SYNPO2: variants seen among roughly 807,000 people sequenced by gnomAD.
SYNPO2 encodes synaptopodin-2.
In SYNPO2, 56 loss-of-function variants were observed where a neutral mutation model predicts 85.0. The ratio of observed to expected loss-of-function variants is 0.66; its 90% CI spans 0.53 to 0.82. SYNPO2 has a LOEUF of 0.82. SYNPO2 is among the 40% of genes least tolerant of loss of function. The pLI, the probability that SYNPO2 is intolerant of heterozygous loss-of-function variation, is 0.00. For missense variants in SYNPO2, 1,575 were observed against 1,534.2 expected (o/e 1.03, Z -0.44); for synonymous variants, 602 against 591.1 (o/e 1.02, Z -0.27).
chr4:118,983,188 C>T (rs1484098233), intron 1 of SYNPO2, among the ~76,000 whole-genome samples: 1 of 152,132 alleles, frequency 6.6e-6, no homozygotes, highest in Admixed American at 6.5e-5. Flanking sequence ...TGCCTTTATT[C>T]ATCCCTTTCA....
chr4:118,879,192 G>A (rs1054869204), intron 1 of SYNPO2, among the ~76,000 whole-genome samples: 7 of 152,172 alleles, frequency 4.6e-5, no homozygotes, highest in African/African-American at 1.4e-4. Context: ...CCATCTTTAA[G>A]AACGGTAACA....
At position 119,027,263 on chromosome 4, in the gene SYNPO2, G is replaced by T; in HGVS notation, c.894G>T (p.Gly298=). 6.2e-7 allele frequency: 1 copy of T among 1,614,174 alleles called. No individual in the cohort carries two copies. Among genetic ancestry groups the T allele is most frequent in the Non-Finnish European group, 8.5e-7 (1 of 1,180,034 alleles). ...LDCSDRQKTE[G]CRLQAGKECV... ...GCTCTGACAGGCAGAAGACAGAAGG[G>T]TGCAGGCTTCAGGCAGGAAAGGAGT... The change falls in exon 3 of 5, where the codon GGG becomes GGT. Residue 298 remains glycine, a synonymous_variant. Coordinates refer to ENST00000307142, the MANE Select transcript of SYNPO2 (RefSeq NM_133477.3).
intron 1 of SYNPO2, among the ~76,000 whole-genome samples, chr4:118,890,733 C>CTCTCTCTCTCTCTCTCTCTCTCTG (rs749295331): frequency 5.2e-4 from 65 of 126,182 alleles, no homozygotes; most frequent in African/African-American, 1.1e-3. Flanking sequence ...CTCTCTCTCT[C>CTCTCTCTCTCTCTCTCTCTCTCTG]TGTGTGTGTG....
At chr4:118,879,212 A>C (rs564171710) in intron 1 of SYNPO2, among the ~76,000 whole-genome samples, 1 of 152,312 alleles carries the variant, frequency 6.6e-6, no homozygotes, top group South Asian at 2.1e-4. Context: ...ACTCACCGAT[A>C]AGGGTCCGTG....
intron 1 of SYNPO2, among the ~76,000 whole-genome samples, chr4:118,851,579 T>C (rs1482151886): frequency 2.6e-5 from 4 of 152,208 alleles, no homozygotes; most frequent in Non-Finnish European, 5.9e-5. Flanking sequence ...TATTATGGAA[T>C]AAAACAATTA....
intron 1 of SYNPO2, among the ~76,000 whole-genome samples, chr4:118,897,741 G>A (rs748363525): frequency 6.6e-6 from 1 of 152,164 alleles, no homozygotes; most frequent in African/African-American, 2.4e-5. Flanking sequence ...GGGTATGTAT[G>A]ATCAGAGCTG....
chr4:118,882,660 A>C (rs766480249), intron 1 of SYNPO2, among the ~76,000 whole-genome samples: 9 of 152,178 alleles, frequency 5.9e-5, no homozygotes, highest in Non-Finnish European at 1.0e-4. Flanking sequence ...TGAAAATGAA[A>C]CTTTTAATAG....
At chr4:119,003,389 G>A (rs1261669605) in intron 1 of SYNPO2, among the ~76,000 whole-genome samples, 3 of 152,142 alleles carry the variant, frequency 2.0e-5, no homozygotes, top group African/African-American at 7.2e-5. Context: ...CCCTTGACAC[G>A]TGGGGATTAC....
At chr4:119,012,462 T>C (rs1352175147) in intron 1 of SYNPO2, among the ~76,000 whole-genome samples, 4 of 150,850 alleles carry the variant, frequency 2.7e-5, no homozygotes, top group Non-Finnish European at 2.9e-5. Context: ...ACATGTGTCA[T>C]GGTGGTTTGC....
chr4:119,011,747 C>T (rs1253066104), intron 1 of SYNPO2, among the ~76,000 whole-genome samples: 3 of 152,098 alleles, frequency 2.0e-5, no homozygotes, highest in Non-Finnish European at 4.4e-5. Context: ...CTACTATGTG[C>T]AAGACACATG....
At position 119,027,370 on chromosome 4, in the gene SYNPO2, A is replaced by G; in HGVS notation, c.1001A>G (p.Glu334Gly). 6.2e-7 allele frequency: 1 copy of G among 1,613,670 alleles called. No homozygotes were observed. The highest frequency in any genetic ancestry group is 8.5e-7 in the Non-Finnish European group (1 of 1,179,938). The change falls in exon 3 of 5, where the codon GAG becomes GGG. Residue 334 changes from glutamate (E) to glycine (G), a missense_variant. Around this residue, in one of 3 missense-constraint regions of SYNPO2, gnomAD observed 1,508 missense variants for 1,446.8 expected, o/e 1.04. Coordinates refer to ENST00000307142, the MANE Select transcript of SYNPO2 (RefSeq NM_133477.3). ...TTTGCCGTCTCATCAGAAGGCACAG[A>G]GCAGGGAGAAGATCCACGCTCGGAA... ...VSFAVSSEGT[E>G]QGEDPRSEKD...
chr4:118,888,769 C>T, upstream of SYNPO2: 1 of 477,134 alleles, frequency 2.1e-6, no homozygotes, highest in Non-Finnish European at 3.7e-6. Flanking sequence ...CGAAGGTGGG[C>T]CGAGCAAAGG....
intron 1 of SYNPO2, among the ~76,000 whole-genome samples, chr4:118,872,622 C>G (rs1731823692): frequency 6.6e-6 from 1 of 152,030 alleles, no homozygotes; most frequent in African/African-American, 2.4e-5. Context: ...ACTTAAAGAC[C>G]AGGCATTACT....
intron 1 of SYNPO2, among the ~76,000 whole-genome samples, chr4:119,018,095 C>T (rs913121024): frequency 2.0e-5 from 3 of 151,960 alleles, no homozygotes; most frequent in Non-Finnish European, 4.4e-5. Flanking sequence ...TAAATTTCCC[C>T]GAGAAGTCTT....
At chr4:119,042,195 A>G (rs1453732368) in intron 4 of SYNPO2, 1 of 152,220 alleles carries the variant, frequency 6.6e-6, no homozygotes. Context: ...CAGCCATTCT[A>G]AAGCTCGTTG....
intron 1 of SYNPO2, among the ~76,000 whole-genome samples, chr4:118,853,660 A>C (rs1731459815): frequency 6.6e-6 from 1 of 152,168 alleles, no homozygotes; most frequent in African/African-American, 2.4e-5. Flanking sequence ...ATTTGGACTC[A>C]AGTGGCTAGG....
chr4:119,047,616 T>C (rs1445635570), intron 4 of SYNPO2, among the ~76,000 whole-genome samples: 1 of 152,236 alleles, frequency 6.6e-6, no homozygotes, highest in East Asian at 1.9e-4. Flanking sequence ...GACTATTTTA[T>C]TGAGACTAGA....
intron 1 of SYNPO2, among the ~76,000 whole-genome samples, chr4:118,880,988 A>G (rs1328459842): frequency 6.6e-6 from 1 of 151,946 alleles, no homozygotes; most frequent in African/African-American, 2.4e-5. Flanking sequence ...CCCTAATCCA[A>G]TATGACTGGT....
At chr4:119,057,340 G>T in intron 4 of SYNPO2, 61 bp from the exon 5 acceptor site, 1 of 1,462,176 alleles carries the variant, frequency 6.8e-7, no homozygotes, top group Non-Finnish European at 9.2e-7. Flanking sequence ...GGAATACTTT[G>T]GAGTAACAAT....
Sources: gnomAD v4.1 joint callset for allele counts (sites outside exome capture counted in the v4.1 genomes callset) on GRCh38, gnomAD v4.1.1 for gene constraint, gnomAD v4.1.1 regional missense constraint, MANE v1.5 for transcripts, NCBI Gene and HGNC (gene_info 2026-07-23, HGNC 2026-07-21) for gene names.